Variants in GABRB2 observed in about 807,000 individuals in gnomAD.
The protein encoded by GABRB2 is gamma-aminobutyric acid receptor subunit beta-2.
Under a neutral mutation model 54.7 loss-of-function variants are expected in GABRB2, and 16 were observed. The observed-to-expected ratio is 0.29, with a 90% CI of 0.20 to 0.44. GABRB2 has a LOEUF of 0.44. Ranked by LOEUF, GABRB2 falls within the 20% of genes least tolerant of loss-of-function variation. The probability of loss-of-function intolerance (pLI) is 1.00; values close to 1 mark genes in which losing one functional copy is unlikely to be tolerated. For missense variants in GABRB2, 355 were observed against 644.0 expected (o/e 0.55, Z 4.86); for synonymous variants, 244 against 233.8 (o/e 1.04, Z -0.40).
intron 5 of GABRB2, among the ~76,000 whole-genome samples, chr5:161,365,898 G>T (rs532289412): frequency 1.3e-5 from 2 of 151,812 alleles, no homozygotes; most frequent in African/African-American, 2.4e-5. Flanking sequence ...CTACGATTTG[G>T]GAATAGCTAT....
At chr5:161,513,166 T>C (rs1759832540) in intron 3 of GABRB2, among the ~76,000 whole-genome samples, 1 of 151,872 alleles carries the variant, frequency 6.6e-6, no homozygotes, top group African/African-American at 2.4e-5. Flanking sequence ...GGAAAGCAGT[T>C]TGGAGAGAGG....
intron 3 of GABRB2, among the ~76,000 whole-genome samples, chr5:161,465,351 T>TTA (rs1254692573): frequency 1.3e-5 from 2 of 152,082 alleles, no homozygotes; most frequent in East Asian, 3.9e-4. Context: ...GCCACCATAA[T>TTA]GGTTATAGGC....
chr5:161,293,852 T>A lies in GABRB2; in HGVS notation c.*229A>T, dbSNP rs567341174. 6 of 523,198 alleles carry A rather than the reference T, an allele frequency of 1.1e-5. No individual in the cohort carries two copies. In the South Asian group the frequency reaches 1.5e-4, roughly 13 times the overall value. 32.4% of individuals were successfully genotyped at this position (523,198 alleles called of 1,614,324 possible). A position where few individuals can be genotyped will look rare whatever the true frequency, so the allele number is the denominator to read the frequency against. ...GAGCACTCAGGCTGTCTAGCCACCA[T>A]GTGTAAAAATCACTTGCGTTTTAAC... On this transcript the variant is annotated 3_prime_UTR_variant, in exon 10 of 10. Transcript: ENST00000393959.
Position 161,396,551 on chromosome 5 carries a change from G to T in GABRB2, c.541+14424C>A, listed in dbSNP as rs115252467. Among the ~76,000 whole-genome samples, 829 of 152,142 alleles carry T rather than the reference G, an allele frequency of 5.4e-3. 5 individuals are homozygous for T. Among genetic ancestry groups the T allele is most frequent in the Non-Finnish European group, 9.8e-3 (669 of 67,998 alleles). On this transcript the variant is annotated intron_variant, in intron 5 of 9. Transcript: ENST00000393959. ...CATACTTTCTCTGAATTCTTTCCAC[G>T]GTTTTCCAAGCCTAGTAAAGTATCA...
intron 3 of GABRB2, among the ~76,000 whole-genome samples, chr5:161,531,738 A>G (rs989244547): frequency 6.6e-6 from 1 of 152,136 alleles, no homozygotes; most frequent in Admixed American, 6.6e-5. Flanking sequence ...AAATTAAAAA[A>G]AAAACCTCAA....
chr5:161,367,719 A>C (rs188950014), intron 5 of GABRB2, among the ~76,000 whole-genome samples: 1 of 152,312 alleles, frequency 6.6e-6, no homozygotes, highest in Non-Finnish European at 1.5e-5. Context: ...AACACGGCAA[A>C]AAAATGTCAC....
chr5:161,518,160 T>G (rs1164352089), intron 3 of GABRB2, among the ~76,000 whole-genome samples: 1 of 152,168 alleles, frequency 6.6e-6, no homozygotes, highest in Non-Finnish European at 1.5e-5. Flanking sequence ...AGAAAAGAAT[T>G]TTAGCCAATC....
Position 161,306,642 on chromosome 5 carries a change from A to G in GABRB2, c.1192-12214T>C, listed in dbSNP as rs114085084. 8.2e-3 allele frequency among the ~76,000 whole-genome samples: 1,250 copies of G among 152,252 alleles called. 23 individuals carry two copies. Among genetic ancestry groups the G allele is most frequent in the African/African-American group, 0.029 (1,197 of 41,554 alleles). ...GAGTTACATTTGGTTCTTGAATAGC[A>G]GGGGGCATGAGGGTAGTGCCAAAAC... On this transcript the variant is annotated intron_variant, in intron 9 of 9. Coordinates refer to ENST00000393959, the MANE Select transcript of GABRB2 (RefSeq NM_001371727.1).
chr5:161,380,677 C>T (rs1339069250), intron 5 of GABRB2, among the ~76,000 whole-genome samples: 1 of 151,900 alleles, frequency 6.6e-6, no homozygotes, highest in Non-Finnish European at 1.5e-5. Context: ...TGAGAGTTTC[C>T]AGAGCTGAGT....
chr5:161,377,576 C>G (rs1421442183), intron 5 of GABRB2, among the ~76,000 whole-genome samples: 3 of 152,082 alleles, frequency 2.0e-5, no homozygotes, highest in Admixed American at 6.6e-5. Context: ...AACAAAGTTT[C>G]TAATGCCTGC....
At chr5:161,545,686 T>G (rs1032542932) in intron 2 of GABRB2, among the ~76,000 whole-genome samples, 4 of 152,014 alleles carry the variant, frequency 2.6e-5, no homozygotes, top group Admixed American at 1.3e-4. Context: ...TTTAACTCTT[T>G]GAGCTTCATA....
chr5:161,334,970 G>A lies in GABRB2; in HGVS notation c.680-66C>T, dbSNP rs938762816. 12 of 1,488,570 alleles carry A rather than the reference G, an allele frequency of 8.1e-6. No homozygotes were observed. The African/African-American group carries it at 1.7e-4, about 21-fold the overall frequency. 92.2% of individuals were successfully genotyped at this position (1,488,570 alleles called of 1,614,324 possible). A position where few individuals can be genotyped will look rare whatever the true frequency, so the allele number is the denominator to read the frequency against. ...ATTTATAGGATACTTTTCTTTAAAG[G>A]TGCATAAACAGTACCTCTTCTCTCA... is the stretch of plus-strand genomic sequence containing the variant. On this transcript the variant is annotated intron_variant, in intron 6 of 9. Coordinates refer to ENST00000393959, the MANE Select transcript of GABRB2 (RefSeq NM_001371727.1).
chr5:161,544,743 G>A (rs1252147761), intron 3 of GABRB2, among the ~76,000 whole-genome samples: 1 of 152,142 alleles, frequency 6.6e-6, no homozygotes, highest in Non-Finnish European at 1.5e-5. Context: ...AGGAATGGGG[G>A]ATGGGGGCTT....
At chr5:161,397,957 A>G (rs1411191735) in intron 5 of GABRB2, among the ~76,000 whole-genome samples, 3 of 152,190 alleles carry the variant, frequency 2.0e-5, no homozygotes, top group African/African-American at 7.2e-5. Context: ...GAAAATGAAC[A>G]TAAGGCATTT....
intron 2 of GABRB2, among the ~76,000 whole-genome samples, chr5:161,545,569 C>T (rs983038373): frequency 4.6e-5 from 7 of 151,978 alleles, no homozygotes; most frequent in African/African-American, 1.7e-4. Flanking sequence ...CATGTGAATG[C>T]ACACAACTCA....
At chr5:161,355,781 A>G (rs1218898858) in intron 5 of GABRB2, among the ~76,000 whole-genome samples, 1 of 152,120 alleles carries the variant, frequency 6.6e-6, no homozygotes, top group African/African-American at 2.4e-5. Context: ...ATGGTTCTTT[A>G]TTTAGATGGA....
chr5:161,502,542 A>G (rs1346644279), intron 3 of GABRB2, among the ~76,000 whole-genome samples: 1 of 152,152 alleles, frequency 6.6e-6, no homozygotes, highest in Non-Finnish European at 1.5e-5. Flanking sequence ...CCTACTTTAA[A>G]CAGTCAATCA....
intron 3 of GABRB2, among the ~76,000 whole-genome samples, chr5:161,465,850 C>T (rs929066583): frequency 1.3e-5 from 2 of 152,050 alleles, no homozygotes; most frequent in Non-Finnish European, 2.9e-5. Context: ...TTTTACATTG[C>T]TTTCTCTAAG....
chr5:161,305,938 A>G (rs933892009), intron 9 of GABRB2, among the ~76,000 whole-genome samples: 2 of 152,254 alleles, frequency 1.3e-5, no homozygotes, highest in African/African-American at 4.8e-5. Context: ...GGGGTGGCTG[A>G]CAGCCATACT....
Sources: allele counts gnomAD v4.1 joint callset (sites outside exome capture counted in the v4.1 genomes callset), GRCh38; gene constraint gnomAD v4.1.1; transcripts MANE v1.5; gene names NCBI Gene and HGNC (gene_info 2026-07-23, HGNC 2026-07-21).